Variants in DDX46 observed in about 807,000 individuals in gnomAD.
DDX46 encodes DEAD-box helicase 46, also known as probable ATP-dependent RNA helicase DDX46.
In DDX46, 30 loss-of-function variants were observed where a neutral mutation model predicts 134.9. The observed-to-expected ratio is 0.22, with a 90% CI of 0.17 to 0.30. The LOEUF (loss-of-function observed/expected upper bound fraction) is 0.30. Ranked by LOEUF, DDX46 falls within the 10% of genes least tolerant of loss-of-function variation. DDX46 has a pLI of 1.00. For missense variants in DDX46, 622 were observed against 1,248.7 expected (o/e 0.50, Z 7.56); for synonymous variants, 415 against 404.1 (o/e 1.03, Z -0.32).
intron 13 of DDX46, among the ~76,000 whole-genome samples, chr5:134,793,977 G>A (rs1318027096): frequency 1.3e-5 from 2 of 151,982 alleles, no homozygotes; most frequent in African/African-American, 4.8e-5. Context: ...TTTGGCTGTC[G>A]AAAGGAGAAA....
chr5:134,807,379 G>A (rs7710253), intron 15 of DDX46, among the ~76,000 whole-genome samples: 87 of 152,188 alleles, frequency 5.7e-4, no homozygotes, highest in African/African-American at 2.0e-3. Flanking sequence ...GGACAAAACC[G>A]AGTAGCAAGG....
chr5:134,831,033 T>A lies in DDX46; in HGVS notation c.*2327T>A, dbSNP rs1755723957. ...GTCACACTGACTTTTAAAATTTGAA[T>A]GATATATAGACTTTGTTTTTTTAAT... On this transcript the variant is annotated 3_prime_UTR_variant, in exon 23 of 23. Transcript: ENST00000452510. The A allele has an allele frequency of 6.6e-6, 1 of 152,566 alleles. No homozygotes were observed. Among genetic ancestry groups the A allele is most frequent in the Non-Finnish European group, 1.5e-5 (1 of 68,042 alleles). The allele number at this position is 152,566 out of a possible 1,614,324, so 9.5% of individuals were successfully genotyped here.
chr5:134,766,946 G>A lies in DDX46; in HGVS notation c.236G>A (p.Ser79Asn), dbSNP rs1580771620. 6.2e-7 allele frequency: 1 copy of A among 1,614,018 alleles called. No individual in the cohort carries two copies. The highest frequency in any genetic ancestry group is 2.2e-5 in the East Asian group (1 of 44,878). The change falls in exon 3 of 23, where the codon AGC becomes AAC. Residue 79 changes from serine (S) to asparagine (N), a missense_variant. This residue lies in a region of DDX46 where 244 missense variants were observed against 349.3 expected (regional missense o/e 0.70). Transcript: ENST00000452510. ...RRSRSRERDRSRERRRSRSRD... is the reference protein window; with the variant it reads ...RRSRSRERDRNRERRRSRSRD... ...TCCAGAAGTAGAGAGAGAGACAGAA[G>A]CCGAGAGCGAAGAAGATCTCGAAGT...
chr5:134,825,897 C>G (rs896237726), intron 21 of DDX46: 4 of 152,192 alleles, frequency 2.6e-5, no homozygotes, highest in Non-Finnish European at 5.9e-5. Flanking sequence ...CCAGAAAACA[C>G]CTGTTTACCT....
chr5:134,766,735 GAAAT>G (rs971734317), intron 2 of DDX46, among the ~76,000 whole-genome samples, 178 bp from the exon 3 acceptor site: 19 of 152,200 alleles, frequency 1.2e-4, no homozygotes, highest in Non-Finnish European at 2.2e-4. Flanking sequence ...AAAAATGAAA[GAAAT>G]AAATTAGTAT....
chr5:134,821,659 C>T (rs763340542), intron 21 of DDX46, among the ~76,000 whole-genome samples: 1 of 150,942 alleles, frequency 6.6e-6, no homozygotes, highest in Non-Finnish European at 1.5e-5. Context: ...CAGGCTTAAG[C>T]GGTTCTATTG....
At chr5:134,760,953 T>A (rs1753361818) in intron 1 of DDX46, among the ~76,000 whole-genome samples, 1 of 152,050 alleles carries the variant, frequency 6.6e-6, no homozygotes, top group Non-Finnish European at 1.5e-5. Context: ...GTGGTCTCGA[T>A]CTCCTGACCT....
In DDX46 at chr5:134,795,204, G is replaced by GTTTTTTTT. The variant is rs879550711; in HGVS notation, c.1791+198_1791+205dup. Among the ~76,000 whole-genome samples the GTTTTTTTT allele has an allele frequency of 6.9e-4, 87 of 125,734 alleles. 2 individuals carry two copies. The highest frequency in any genetic ancestry group is 2.5e-3 in the African/African-American group (84 of 33,136). 82.5% of individuals were successfully genotyped at this position (125,734 alleles called of 152,430 possible). On this transcript the variant is annotated intron_variant, in intron 14 of 22. Transcript: ENST00000452510. Reference sequence around the variant, plus strand: ...TTCCACGGAGCTATTTAAAATGCTTGTTTTTTTTTTTTTTTGTTTTTTTTT... The same window carrying GTTTTTTTT: ...TTCCACGGAGCTATTTAAAATGCTTGTTTTTTTTTTTTTTTTTTTTTTTGTTTTTTTTT...
intron 15 of DDX46, among the ~76,000 whole-genome samples, chr5:134,803,666 GTCGC>G (rs1754897679): frequency 2.0e-5 from 3 of 152,150 alleles, no homozygotes; most frequent in Admixed American, 2.0e-4. Flanking sequence ...GCTGCTGTTA[GTCGC>G]TCTCTGGTGT....
chr5:134,816,782 A>G (rs973108105), intron 19 of DDX46, 176 bp downstream of exon 19: 241 of 644,826 alleles, frequency 3.7e-4, no homozygotes, highest in Middle Eastern at 1.3e-3. Flanking sequence ...TCTCAGTGCT[A>G]TTGACTGAGG....
intron 1 of DDX46, among the ~76,000 whole-genome samples, chr5:134,763,360 TTCCCTGCTGTTTTTCTGACC>T (rs1753455746): frequency 6.6e-6 from 1 of 152,192 alleles, no homozygotes; most frequent in South Asian, 2.1e-4. Flanking sequence ...CAGGTTTGGC[TTCCCTGCTGTTTTTCTGACC>T]TCGTCTTATG....
chr5:134,782,802 A>G (rs1314845030), intron 8 of DDX46, 143 bp from the exon 9 acceptor site: 3 of 994,196 alleles, frequency 3.0e-6, no homozygotes, highest in African/African-American at 3.3e-5. Flanking sequence ...CTGTCTCCCA[A>G]AGTGCTAGTT....
intron 16 of DDX46, among the ~76,000 whole-genome samples, chr5:134,810,138 C>G (rs1360465790): frequency 6.6e-6 from 1 of 151,994 alleles, no homozygotes; most frequent in East Asian, 1.9e-4. Flanking sequence ...GCCTCCAACT[C>G]CTAGGCTCAA....
At position 134,764,181 on chromosome 5, in the gene DDX46, G is replaced by T. The variant is rs1466391500; in HGVS notation, c.206+89G>T. 1.3e-5 allele frequency: 17 copies of T among 1,340,484 alleles called. No homozygotes were observed. The Admixed American group carries it at 4.4e-4, about 34-fold the overall frequency. The allele number at this position is 1,340,484 out of a possible 1,614,324, so 83.0% of individuals were successfully genotyped here. A position where few individuals can be genotyped will look rare whatever the true frequency, so the allele number is the denominator to read the frequency against. On this transcript the variant is annotated intron_variant, in intron 2 of 22. Coordinates refer to ENST00000452510, the MANE Select transcript of DDX46 (RefSeq NM_001300860.2). ...TTCTTGAAAAGTATGTTTTCAACTG[G>T]AGTTTGGTGGCCCAATTGCAGGCCC...
chr5:134,759,347 C>T (rs1753305699), intron 1 of DDX46, among the ~76,000 whole-genome samples: 2 of 152,158 alleles, frequency 1.3e-5, no homozygotes, highest in African/African-American at 4.8e-5. Flanking sequence ...GTTCTTTGTG[C>T]GCGTATGATC....
intron 3 of DDX46, among the ~76,000 whole-genome samples, chr5:134,767,950 CAAA>C (rs944000653): frequency 8.7e-6 from 1 of 114,904 alleles, no homozygotes; most frequent in Non-Finnish European, 1.8e-5. Flanking sequence ...AACTCCTTCT[CAAA>C]AAAAAAAAAC....
chr5:134,789,897 G>A (rs1754454432), intron 12 of DDX46, among the ~76,000 whole-genome samples: 1 of 152,038 alleles, frequency 6.6e-6, no homozygotes, highest in South Asian at 2.1e-4. Flanking sequence ...ATGTGTTTTG[G>A]TATTTAAAGT....
chr5:134,764,178 C>A, intron 2 of DDX46, 86 bp downstream of exon 2: 1 of 1,387,650 alleles, frequency 7.2e-7, no homozygotes, highest in East Asian at 2.5e-5. Flanking sequence ...ATGTTTTCAA[C>A]TGGAGTTTGG....
intron 12 of DDX46, chr5:134,789,249 A>G (rs1754432960): frequency 6.6e-6 from 1 of 152,218 alleles, no homozygotes; most frequent in South Asian, 2.1e-4. Flanking sequence ...GGCTTCCGAG[A>G]CTTAAACCAT....
Sources: allele counts gnomAD v4.1 joint callset (sites outside exome capture counted in the v4.1 genomes callset), GRCh38; gene constraint gnomAD v4.1.1; regional missense constraint gnomAD v4.1.1; transcripts MANE v1.5; gene names NCBI Gene and HGNC (gene_info 2026-07-23, HGNC 2026-07-21).